DROSHA: variants seen among roughly 807,000 people sequenced by gnomAD.
DROSHA encodes drosha ribonuclease III.
In DROSHA, 56 loss-of-function variants were observed where a neutral mutation model predicts 181.9. The ratio of observed to expected loss-of-function variants is 0.31; its 90% CI spans 0.25 to 0.38. The LOEUF (loss-of-function observed/expected upper bound fraction) is 0.38. Among genes scored for constraint, DROSHA ranks in the 10% least tolerant of loss-of-function variants. DROSHA has a pLI of 1.00. For synonymous variants in DROSHA, 524 were observed against 591.2 expected (o/e 0.89, Z 1.65); for missense variants, 1,218 against 1,743.5 (o/e 0.70, Z 5.37).
chr5:31,526,203 G>C lies in DROSHA; in HGVS notation c.730C>G (p.His244Asp), dbSNP rs200947287. The C allele has an allele frequency of 9.3e-6, 15 of 1,613,800 alleles. No individual in the cohort carries two copies. In the East Asian group the frequency reaches 3.3e-4, roughly 36 times the overall value. Residue 244 changes from histidine (H) to aspartate (D), a missense_variant, in exon 5 of 36, where the codon CAT becomes GAT. His to Asp is a moderately conservative substitution (Grantham distance 81). Coordinates refer to ENST00000344624, the MANE Select transcript of DROSHA (RefSeq NM_001382508.1). ...CGCTCCCGCCGATCCAGGGACCGAT[G>C]CCTCTCACCTCGCCCATGACTGTGA... ...RDHSHGRGERHRSLDRRERGR... is the reference protein window; with the variant it reads ...RDHSHGRGERDRSLDRRERGR...
intron 30 of DROSHA, among the ~76,000 whole-genome samples, chr5:31,417,326 C>T (rs1292033405): frequency 6.6e-6 from 1 of 152,192 alleles, no homozygotes; most frequent in East Asian, 1.9e-4. Context: ...GACAGGGAGC[C>T]AGTTCATATA....
intron 18 of DROSHA, chr5:31,467,713 CA>C: frequency 2.5e-6 from 1 of 395,040 alleles, no homozygotes; most frequent in East Asian, 5.8e-5. Flanking sequence ...CCAAGTTTGC[CA>C]AAAATATTCT....
rs907488291 is a variant in DROSHA, at chr5:31,411,627, T to C, written c.3526-740A>G. Among the ~76,000 whole-genome samples the C allele has an allele frequency of 6.6e-6, 1 of 152,196 alleles. No homozygotes were observed. Among genetic ancestry groups the C allele is most frequent in the African/African-American group, 2.4e-5 (1 of 41,462 alleles). ...TAGCTTGAGTCTCAGTTTTTCATAC[T>C]GATATCCTTTTTTTTGAGACAGGCT... On this transcript the variant is annotated intron_variant, in intron 30 of 35. Transcript: ENST00000344624. This position sits in a 1 kb window ranked among gnomAD's most constrained non-coding sequence, Gnocchi z 4.2.
At chr5:31,464,526 G>A (rs902478830) in intron 19 of DROSHA, among the ~76,000 whole-genome samples, 183 bp from the exon 20 acceptor site, 1 of 147,604 alleles carries the variant, frequency 6.8e-6, no homozygotes, top group Non-Finnish European at 1.5e-5. Flanking sequence ...CAAAGCTTGG[G>A]GTATAACACA....
chr5:31,508,680 G>T lies in DROSHA; in HGVS notation c.1528C>A (p.Arg510Ser), dbSNP rs370207689. The stretch of plus-strand genomic sequence containing the variant: ...AGTCGGTCAGGGTGGGCCTTTTTGC[G>T]TTTGATTTCTGCAATAACGTCAAAA... ...EVFDVIAEIK[R>S]KKAHPDRLHD... The change falls in exon 10 of 36, where the codon CGC (arginine) becomes AGC (serine). Residue 510 changes from arginine (R) to serine (S), a missense_variant. By Grantham distance (110) the Arg-to-Ser change is moderately radical. This residue lies in a region of DROSHA where 460 missense variants were observed against 774.2 expected (regional missense o/e 0.59). Coordinates refer to ENST00000344624, the MANE Select transcript of DROSHA (RefSeq NM_001382508.1). 6.2e-7 allele frequency: 1 copy of T among 1,613,868 alleles called. No individual in the cohort carries two copies. The highest frequency in any genetic ancestry group is 8.5e-7 in the Non-Finnish European group (1 of 1,179,856).
At chr5:31,481,648 T>C (rs975621510) in intron 16 of DROSHA, among the ~76,000 whole-genome samples, 1 of 152,084 alleles carries the variant, frequency 6.6e-6, no homozygotes, top group Non-Finnish European at 1.5e-5. Flanking sequence ...CTAAACAAAA[T>C]AAACATGAAC....
rs1224940209 is a variant in DROSHA at position 31,462,975 on chromosome 5, T to A, written c.2574+1261A>T. On this transcript the variant is annotated intron_variant, in intron 20 of 35. Coordinates refer to ENST00000344624, the MANE Select transcript of DROSHA (RefSeq NM_001382508.1). The stretch of plus-strand genomic sequence containing the variant: ...CAACTCTGACTTATCACTGAGATCA[T>A]CAGATTTGGAGCAAACTGTCTAGGA... 2.6e-5 allele frequency among the ~76,000 whole-genome samples: 4 copies of A among 152,170 alleles called. No homozygotes were observed. The East Asian group carries it at 5.8e-4, about 22-fold the overall frequency.
At chr5:31,530,981 T>C (rs1319501043) in intron 2 of DROSHA, 57 bp from the exon 3 acceptor site, 3 of 396,266 alleles carry the variant, frequency 7.6e-6, no homozygotes, top group African/African-American at 6.2e-5. Context: ...TATGTTTCCA[T>C]GTTGCTACTG....
chr5:31,437,589 G>T (rs980552536), intron 23 of DROSHA, among the ~76,000 whole-genome samples: 1 of 151,964 alleles, frequency 6.6e-6, no homozygotes, highest in Non-Finnish European at 1.5e-5. Context: ...ACTAACAATC[G>T]TGAGTATTTC....
intron 26 of DROSHA, 55 bp from the exon 27 acceptor site, chr5:31,429,600 A>G (rs1197679992): frequency 6.7e-7 from 1 of 1,495,990 alleles, no homozygotes; most frequent in African/African-American, 1.4e-5. Flanking sequence ...GTCAAAGAAA[A>G]TGACATATCT....
At position 31,466,195 on chromosome 5, in the gene DROSHA, A is replaced by G; in HGVS notation, c.2453T>C (p.Leu818Pro). Residue 818 changes from leucine to proline, a missense_variant, in exon 19 of 36, where the codon CTG becomes CCG. This residue lies in a region of DROSHA where 460 missense variants were observed against 774.2 expected (regional missense o/e 0.59). Coordinates refer to ENST00000344624, the MANE Select transcript of DROSHA (RefSeq NM_001382508.1). Reference protein sequence around the residue: ...PKVKQTDKQKLAQREEALQKI... With the variant: ...PKVKQTDKQKPAQREEALQKI... Reference sequence around the variant, plus strand: ...TTTGATACAGACCTCCCTCTGTGCCAGCTTCTGTTTGTCAGTTTGTTTGAC... The same window carrying G: ...TTTGATACAGACCTCCCTCTGTGCCGGCTTCTGTTTGTCAGTTTGTTTGAC... The G allele has an allele frequency of 6.2e-7, 1 of 1,613,674 alleles. No individual in the cohort carries two copies. The highest frequency in any genetic ancestry group is 8.5e-7 in the Non-Finnish European group (1 of 1,179,740).
intron 6 of DROSHA, among the ~76,000 whole-genome samples, chr5:31,520,528 C>T (rs1427654473): frequency 5.3e-5 from 8 of 152,092 alleles, no homozygotes; most frequent in Admixed American, 5.2e-4. Context: ...ATCTCAATGA[C>T]CCCTTATCAC....
At chr5:31,483,803 G>C (rs565608788) in intron 15 of DROSHA, among the ~76,000 whole-genome samples, 175 bp from the exon 16 acceptor site, 1 of 152,170 alleles carries the variant, frequency 6.6e-6, no homozygotes, top group South Asian at 2.1e-4. Context: ...TCAATCATTG[G>C]TAACTGCCAC....
intron 11 of DROSHA, among the ~76,000 whole-genome samples, chr5:31,502,260 C>A (rs1397558946): frequency 6.6e-6 from 1 of 152,254 alleles, no homozygotes; most frequent in Non-Finnish European, 1.5e-5. Flanking sequence ...AGCAGCCCTG[C>A]TGCTGGGGCC....
At chr5:31,513,608 A>G (rs1738940884) in intron 8 of DROSHA, among the ~76,000 whole-genome samples, 1 of 152,238 alleles carries the variant, frequency 6.6e-6, no homozygotes, top group Non-Finnish European at 1.5e-5. Context: ...CCACTATGAG[A>G]GACTTCTCAA....
At chr5:31,442,017 T>C (rs1745654319) in intron 23 of DROSHA, among the ~76,000 whole-genome samples, 2 of 152,220 alleles carry the variant, frequency 1.3e-5, no homozygotes, top group Admixed American at 1.3e-4. Context: ...CTTGAAGTCA[T>C]ATACTATTTT....
At chr5:31,477,478 A>G (rs1230372811) in intron 16 of DROSHA, among the ~76,000 whole-genome samples, 1 of 152,226 alleles carries the variant, frequency 6.6e-6, no homozygotes, top group Non-Finnish European at 1.5e-5. Context: ...TTCCAAATGT[A>G]TATTAAGTTG....
At chr5:31,525,945 G>T in intron 5 of DROSHA, 134 bp downstream of exon 5, 2 of 909,662 alleles carry the variant, frequency 2.2e-6, no homozygotes, top group Non-Finnish European at 3.2e-6. Flanking sequence ...TGAAAACAGA[G>T]TCCAAAATGT....
At chr5:31,442,081 T>C (rs1745662633) in intron 23 of DROSHA, among the ~76,000 whole-genome samples, 1 of 152,214 alleles carries the variant, frequency 6.6e-6, no homozygotes, top group African/African-American at 2.4e-5. Context: ...TAAACTTTCA[T>C]GGAGACAAAA....
Sources: allele counts gnomAD v4.1 joint callset (sites outside exome capture counted in the v4.1 genomes callset), GRCh38; gene constraint gnomAD v4.1.1; regional missense constraint gnomAD v4.1.1; non-coding constraint Gnocchi (gnomAD v3.1); transcripts MANE v1.5; gene names NCBI Gene and HGNC (gene_info 2026-07-23, HGNC 2026-07-21).